The following CDH2 variants were observed in gnomAD, a reference collection of about 807,000 sequenced individuals.
The protein encoded by CDH2 is cadherin 2.
In CDH2, 17 loss-of-function variants were observed where a neutral mutation model predicts 92.0. The ratio of observed to expected loss-of-function variants is 0.18; its 90% CI spans 0.13 to 0.28. The LOEUF is 0.28. CDH2 is among the 10% of genes least tolerant of loss of function. The pLI is 1.00. For synonymous variants in CDH2, 419 were observed against 415.9 expected (o/e 1.01, Z -0.09); for missense variants, 862 against 1,133.1 (o/e 0.76, Z 3.44).
At chr18:28,124,414 T>C (rs537056606) in intron 2 of CDH2, among the ~76,000 whole-genome samples, 1 of 152,286 alleles carries the variant, frequency 6.6e-6, no homozygotes, top group Non-Finnish European at 1.5e-5. Flanking sequence ...CCCTTTATCC[T>C]GGTTTTCAGA....
chr18:28,136,899 G>C lies in CDH2; in HGVS notation c.172+10774C>G, dbSNP rs2015872104. Among the ~76,000 whole-genome samples the C allele has an allele frequency of 2.6e-5, 4 of 152,116 alleles. No homozygotes were observed. The South Asian group carries it at 8.3e-4, about 32-fold the overall frequency. ...TCTCAAACTCTGGATTGGGGCTCAGGAATCTGCATTTTAACAAGCTTCCCC... is the reference window on the plus strand; with the variant it reads ...TCTCAAACTCTGGATTGGGGCTCAGCAATCTGCATTTTAACAAGCTTCCCC... On this transcript the variant is annotated intron_variant, in intron 2 of 15. Coordinates refer to ENST00000269141, the MANE Select transcript of CDH2 (RefSeq NM_001792.5).
At chr18:28,127,929 C>G (rs1283651591) in intron 2 of CDH2, among the ~76,000 whole-genome samples, 4 of 152,130 alleles carry the variant, frequency 2.6e-5, no homozygotes, top group Admixed American at 1.3e-4. Context: ...GCAAAGCTAA[C>G]CTATCAAATA....
At chr18:28,161,761 G>A (rs1420395659) in intron 1 of CDH2, among the ~76,000 whole-genome samples, 1 of 152,034 alleles carries the variant, frequency 6.6e-6, no homozygotes, top group Non-Finnish European at 1.5e-5. Flanking sequence ...TTTGGGGACC[G>A]TCAGAGTGTA....
intron 15 of CDH2, among the ~76,000 whole-genome samples, chr18:27,953,790 G>C (rs777972967): frequency 3.3e-5 from 5 of 152,100 alleles, no homozygotes; most frequent in Non-Finnish European, 7.4e-5. Context: ...CTATTATAAA[G>C]ACCAAATGCA....
chr18:28,005,376 A>T (rs1349540676), intron 6 of CDH2, among the ~76,000 whole-genome samples: 1 of 152,108 alleles, frequency 6.6e-6, no homozygotes, highest in East Asian at 1.9e-4. Context: ...GATGTTACTA[A>T]GCCCCTTCCA....
At chr18:28,063,261 G>C (rs974272622) in intron 2 of CDH2, among the ~76,000 whole-genome samples, 6 of 152,086 alleles carry the variant, frequency 3.9e-5, no homozygotes, top group African/African-American at 1.4e-4. Flanking sequence ...CCATTTTACT[G>C]AACATTTCAC....
At chr18:28,016,556 A>G (rs1333962888) in intron 2 of CDH2, among the ~76,000 whole-genome samples, 1 of 152,196 alleles carries the variant, frequency 6.6e-6, no homozygotes, top group Non-Finnish European at 1.5e-5. Context: ...AAGACACTTC[A>G]GATTATGTCA....
chr18:27,963,024 T>C (rs528403708), intron 15 of CDH2, among the ~76,000 whole-genome samples: 6 of 152,152 alleles, frequency 3.9e-5, no homozygotes, highest in Non-Finnish European at 7.4e-5. Flanking sequence ...TAAATGAAAT[T>C]AGAATGCACT....
chr18:27,948,250 G>A (rs1909325987), downstream of CDH2, among the ~76,000 whole-genome samples: 1 of 146,880 alleles, frequency 6.8e-6, no homozygotes, highest in Admixed American at 6.8e-5. Context: ...AAGTGTATGT[G>A]ATATAAGTGT....
At chr18:28,082,397 C>T (rs1261320328) in intron 2 of CDH2, among the ~76,000 whole-genome samples, 1 of 152,036 alleles carries the variant, frequency 6.6e-6, no homozygotes, top group East Asian at 1.9e-4. Context: ...GCCAACACAG[C>T]AAGACTCTAA....
chr18:28,092,581 T>C (rs975529294), intron 2 of CDH2, among the ~76,000 whole-genome samples: 5 of 151,754 alleles, frequency 3.3e-5, no homozygotes, highest in Non-Finnish European at 7.4e-5. Context: ...GAATCTAAAA[T>C]TGTAAAAGCC....
intron 2 of CDH2, among the ~76,000 whole-genome samples, chr18:28,097,589 G>T (rs1019111526): frequency 4.6e-5 from 7 of 152,034 alleles, no homozygotes; most frequent in African/African-American, 1.7e-4. Context: ...ATTGCAAAAA[G>T]TACAGTATTT....
intron 6 of CDH2, among the ~76,000 whole-genome samples, chr18:27,941,540 C>G (rs759501189): frequency 6.6e-6 from 1 of 152,110 alleles, no homozygotes; most frequent in Non-Finnish European, 1.5e-5. Flanking sequence ...TTCTGATTAA[C>G]GAAAGCAATT....
intron 2 of CDH2, among the ~76,000 whole-genome samples, chr18:28,048,591 G>A (rs914870403): frequency 2.0e-5 from 3 of 152,200 alleles, no homozygotes; most frequent in East Asian, 1.9e-4. Context: ...TTGGCATTTC[G>A]TCAGGACTAC....
In CDH2 at chr18:28,009,772, G is replaced by A. The variant is rs199664916; in HGVS notation, c.647C>T (p.Ser216Leu). 68 of 1,613,874 alleles carry A rather than the reference G, an allele frequency of 4.2e-5. No individual in the cohort carries two copies. Among genetic ancestry groups the A allele is most frequent in the Middle Eastern group, 1.7e-4 (1 of 6,042 alleles). Residue 216 changes from serine to leucine, a missense_variant, in exon 5 of 16, where the codon TCG (serine) becomes TTG (leucine). Coordinates refer to ENST00000269141, the MANE Select transcript of CDH2 (RefSeq NM_001792.5). ...GGGCTTTGTCACCGACAGCTGACCC[G>A]AGATGGGGTTGATAATGAAGATACC... ...PTGIFIINPI[S>L]GQLSVTKPLD...
chr18:27,963,270 G>A, intron 15 of CDH2, 87 bp downstream of exon 15: 2 of 1,244,082 alleles, frequency 1.6e-6, no homozygotes, highest in South Asian at 1.3e-5. Flanking sequence ...CTATATAGCT[G>A]TATTCCAAGC....
chr18:28,056,317 T>C (rs1243426442), intron 2 of CDH2, among the ~76,000 whole-genome samples: 1 of 152,126 alleles, frequency 6.6e-6, no homozygotes, highest in Non-Finnish European at 1.5e-5. Context: ...GATGCAAAAC[T>C]AGAACTTGGT....
chr18:28,012,127 C>T, intron 3 of CDH2, 135 bp from the exon 4 acceptor site: 1 of 653,388 alleles, frequency 1.5e-6, no homozygotes, highest in Non-Finnish European at 2.4e-6. Context: ...AGGCCCTTTT[C>T]CCTGGCCCCC....
chr18:28,038,113 T>C (rs1379825128), intron 2 of CDH2, among the ~76,000 whole-genome samples: 4 of 152,128 alleles, frequency 2.6e-5, no homozygotes, highest in Admixed American at 2.6e-4. Flanking sequence ...GAACTGCTGA[T>C]TTAATTTAGC....
Sources: gnomAD v4.1 joint callset for allele counts (sites outside exome capture counted in the v4.1 genomes callset) on GRCh38, gnomAD v4.1.1 for gene constraint, MANE v1.5 for transcripts, NCBI Gene and HGNC (gene_info 2026-07-23, HGNC 2026-07-21) for gene names.